LOC400499: variants seen among roughly 807,000 people sequenced by gnomAD.
chr16:11,511,412 T>C, the LOC400499 span, among the ~76,000 whole-genome samples: 1 of 152,118 alleles, frequency 6.6e-6, no homozygotes, highest in Admixed American at 6.5e-5. Context: ...TCACACAACA[T>C]AGAGTCAGAA....
At chr16:11,449,194 T>A in the LOC400499 span, 1 of 1,192,976 alleles carries the variant, frequency 8.4e-7, no homozygotes, top group African/African-American at 1.5e-5. Flanking sequence ...TCCTGCTTGG[T>A]GAACTCCTCT....
chr16:11,426,322 G>T, the LOC400499 span, among the ~76,000 whole-genome samples: 15 of 152,110 alleles, frequency 9.9e-5, no homozygotes, highest in Non-Finnish European at 2.1e-4. Context: ...TGTCATCCCA[G>T]CTACTTGGGA....
chr16:11,502,061 C>T, the LOC400499 span: 13 of 399,074 alleles, frequency 3.3e-5, no homozygotes, highest in African/African-American at 1.8e-4. Context: ...ATCCCCCACC[C>T]GGAGAGGGAC....
At chr16:11,466,849 C>T in the LOC400499 span, among the ~76,000 whole-genome samples, 3 of 151,946 alleles carry the variant, frequency 2.0e-5, no homozygotes, top group Non-Finnish European at 2.9e-5. Context: ...ATGAAATCTA[C>T]AATAGAATTT....
the LOC400499 span, chr16:11,414,308 T>C: frequency 2.5e-6 from 1 of 399,278 alleles, no homozygotes; most frequent in Non-Finnish European, 4.4e-6. Flanking sequence ...GAGAACAGAA[T>C]GTGGAGGGAG....
At chr16:11,497,644 G>A in the LOC400499 span, among the ~76,000 whole-genome samples, 27 of 152,330 alleles carry the variant, frequency 1.8e-4, no homozygotes, top group African/African-American at 5.5e-4. Flanking sequence ...AGCCACTTCC[G>A]GTGGCCCTGC....
the LOC400499 span, among the ~76,000 whole-genome samples, chr16:11,428,090 C>A: frequency 1.3e-5 from 2 of 152,122 alleles, no homozygotes; most frequent in Admixed American, 1.3e-4. Flanking sequence ...ACAGAGCAGC[C>A]CTGAGGGCGG....
chr16:11,410,518 G>A, the LOC400499 span, among the ~76,000 whole-genome samples: 2 of 152,326 alleles, frequency 1.3e-5, no homozygotes, highest in African/African-American at 2.4e-5. Flanking sequence ...CAGTTGGAGC[G>A]AAGTTTGAGG....
At chr16:11,483,181 G>C in the LOC400499 span, among the ~76,000 whole-genome samples, 1 of 152,148 alleles carries the variant, frequency 6.6e-6, no homozygotes, top group Non-Finnish European at 1.5e-5. Flanking sequence ...AGGATGTGGA[G>C]AAACTGAAAC....
the LOC400499 span, among the ~76,000 whole-genome samples, chr16:11,489,993 T>C: frequency 6.6e-6 from 1 of 151,854 alleles, no homozygotes; most frequent in Admixed American, 6.6e-5. Flanking sequence ...TGGAGACGGG[T>C]AAAATGGGTT....
chr16:11,376,858 T>G, the LOC400499 span, among the ~76,000 whole-genome samples: 1 of 152,288 alleles, frequency 6.6e-6, no homozygotes, highest in South Asian at 2.1e-4. Context: ...AACCGGTCTC[T>G]GGGACTCTAC....
At chr16:11,470,390 G>C in the LOC400499 span, among the ~76,000 whole-genome samples, 1 of 152,306 alleles carries the variant, frequency 6.6e-6, no homozygotes, top group Non-Finnish European at 1.5e-5. Flanking sequence ...GGCTCCCTGT[G>C]AGACCAGGCT....
chr16:11,409,942 AG>A, the LOC400499 span, among the ~76,000 whole-genome samples: 1 of 152,242 alleles, frequency 6.6e-6, no homozygotes, highest in African/African-American at 2.4e-5. Flanking sequence ...GCTTTTATAT[AG>A]GTTGAAATAA....
chr16:11,434,755 C>A, the LOC400499 span, among the ~76,000 whole-genome samples: 1 of 152,148 alleles, frequency 6.6e-6, no homozygotes, highest in Non-Finnish European at 1.5e-5. Flanking sequence ...CCCTAAGAAG[C>A]AGGTGGAGAA....
chr16:11,383,477 A>G, the LOC400499 span, among the ~76,000 whole-genome samples: 3 of 152,334 alleles, frequency 2.0e-5, no homozygotes, highest in South Asian at 6.2e-4. Context: ...ACCTGCCTCG[A>G]GGGGACACAC....
chr16:11,522,488 C>G, the LOC400499 span, among the ~76,000 whole-genome samples: 4 of 152,142 alleles, frequency 2.6e-5, no homozygotes, highest in African/African-American at 9.7e-5. Context: ...ATGCCAGTAA[C>G]CCAGCCCAGT....
the LOC400499 span, among the ~76,000 whole-genome samples, chr16:11,514,785 CA>C: frequency 6.6e-6 from 1 of 152,184 alleles, no homozygotes; most frequent in African/African-American, 2.4e-5. Context: ...CGAGGGGAAA[CA>C]AGAAAGTCTA....
At chr16:11,424,975 G>A in the LOC400499 span, 1 of 397,530 alleles carries the variant, frequency 2.5e-6, no homozygotes, top group African/African-American at 2.1e-5. Flanking sequence ...CCCAGGGAAG[G>A]AGACACAGGT....
chr16:11,477,007 C>T, the LOC400499 span: 5 of 399,870 alleles, frequency 1.3e-5, no homozygotes, highest in African/African-American at 6.2e-5. Flanking sequence ...ATCCCACCTG[C>T]GACCCCCAGC....
Sources: allele counts gnomAD v4.1 joint callset (sites outside exome capture counted in the v4.1 genomes callset), GRCh38; gene constraint gnomAD v4.1.1; transcripts MANE v1.5.